Variants in SPAG16 observed in about 807,000 individuals in gnomAD.
The protein encoded by SPAG16 is sperm associated antigen 16.
A neutral mutation model predicts 80.4 loss-of-function variants in SPAG16; 86 were observed. The ratio of observed to expected loss-of-function variants is 1.07; its 90% CI spans 0.90 to 1.28. The LOEUF is 1.28. Among genes scored for constraint, SPAG16 ranks in the 50% most tolerant of loss-of-function variants. SPAG16 has a pLI of 0.00. For missense variants in SPAG16, 870 were observed against 765.3 expected, an observed-to-expected ratio of 1.14 and a Z score of -1.61; for synonymous variants, 294 against 265.9, an observed-to-expected ratio of 1.11 and a Z score of -1.03.
intron 12 of SPAG16, among the ~76,000 whole-genome samples, chr2:213,990,466 T>C (rs1430040957): frequency 6.6e-6 from 1 of 152,158 alleles, no homozygotes; most frequent in Non-Finnish European, 1.5e-5. Flanking sequence ...GAAGCTTTAC[T>C]GATAAGATAA....
At chr2:213,382,861 T>C (rs2067241788) in intron 9 of SPAG16, among the ~76,000 whole-genome samples, 1 of 152,170 alleles carries the variant, frequency 6.6e-6, no homozygotes, top group Admixed American at 6.5e-5. Context: ...TAGGGGAGTT[T>C]ATATGGCCCC....
intron 12 of SPAG16, among the ~76,000 whole-genome samples, chr2:213,943,881 G>A (rs1208931510): frequency 3.9e-5 from 6 of 152,050 alleles, no homozygotes; most frequent in East Asian, 1.9e-4. Context: ...TTATAGAGAC[G>A]GAAATACACC....
intron 13 of SPAG16, among the ~76,000 whole-genome samples, chr2:214,088,490 A>G (rs1282494454): frequency 6.6e-6 from 1 of 152,262 alleles, no homozygotes; most frequent in East Asian, 1.9e-4. Context: ...AGAAAAATGT[A>G]CAAGCTTACA....
intron 9 of SPAG16, among the ~76,000 whole-genome samples, chr2:213,439,111 A>C (rs2070795479): frequency 6.6e-6 from 1 of 152,224 alleles, no homozygotes; most frequent in Non-Finnish European, 1.5e-5. Context: ...GGAGATCATG[A>C]ATAGAGAATC....
intron 10 of SPAG16, among the ~76,000 whole-genome samples, chr2:213,832,397 A>G (rs1402377780): frequency 1.3e-5 from 2 of 152,106 alleles, no homozygotes; most frequent in African/African-American, 2.4e-5. Flanking sequence ...TTTGGAATCA[A>G]TGTCTTTCTG....
intron 13 of SPAG16, among the ~76,000 whole-genome samples, chr2:214,015,607 A>AAT (rs2047554826): frequency 6.6e-6 from 1 of 151,526 alleles, no homozygotes; most frequent in South Asian, 2.1e-4. Flanking sequence ...TCAGAAAAAA[A>AAT]AAAAAATCAA....
intron 12 of SPAG16, among the ~76,000 whole-genome samples, chr2:213,991,367 G>GT (rs2046272753): frequency 6.6e-6 from 1 of 152,148 alleles, no homozygotes; most frequent in Non-Finnish European, 1.5e-5. Context: ...ACTCCATGGT[G>GT]TATATGTGCC....
intron 10 of SPAG16, among the ~76,000 whole-genome samples, chr2:213,508,442 G>A (rs1013685076): frequency 6.6e-6 from 1 of 152,132 alleles, no homozygotes; most frequent in Non-Finnish European, 1.5e-5. Flanking sequence ...CGCGGTGGCG[G>A]GCGCCTGTAG....
In SPAG16 at chr2:213,748,484, T is replaced by G. The variant is rs1052889706; in HGVS notation, c.1071-114001T>G. On this transcript the variant is annotated intron_variant, in intron 10 of 15. Coordinates refer to ENST00000331683, the MANE Select transcript of SPAG16 (RefSeq NM_024532.5). The stretch of plus-strand genomic sequence containing the variant: ...AGTTGAAAAAAAATGAAGAAATAAT[T>G]AATAAGTTTTATTTCATTAGTTCTT... Among the ~76,000 whole-genome samples the G allele has an allele frequency of 2.6e-5, 4 of 152,174 alleles. No homozygotes were observed. In the South Asian group the frequency reaches 8.3e-4, roughly 32 times the overall value.
At chr2:213,669,670 T>C (rs927103911) in intron 10 of SPAG16, among the ~76,000 whole-genome samples, 2 of 152,224 alleles carry the variant, frequency 1.3e-5, no homozygotes, top group East Asian at 1.9e-4. Flanking sequence ...GGTTTTCACA[T>C]TGGGAGTAAA....
chr2:214,128,269 G>C (rs560460382), intron 14 of SPAG16, among the ~76,000 whole-genome samples: 3 of 151,742 alleles, frequency 2.0e-5, no homozygotes, highest in Non-Finnish European at 4.4e-5. Context: ...TGCCCAGTTG[G>C]GTGGCCACAT....
chr2:213,909,024 G>A (rs1034986173), intron 11 of SPAG16, among the ~76,000 whole-genome samples: 1 of 151,602 alleles, frequency 6.6e-6, no homozygotes, highest in African/African-American at 2.4e-5. Context: ...AACATGCGGT[G>A]TTTGTTTTTT....
At chr2:213,964,427 T>G (rs188948593) in intron 12 of SPAG16, among the ~76,000 whole-genome samples, 165 of 152,332 alleles carry the variant, frequency 1.1e-3, no homozygotes, top group African/African-American at 3.9e-3. Flanking sequence ...CAATAAATTC[T>G]CTTAATATTG....
chr2:213,299,808 T>C (rs1332409498), intron 3 of SPAG16, among the ~76,000 whole-genome samples: 2 of 152,184 alleles, frequency 1.3e-5, no homozygotes, highest in Non-Finnish European at 2.9e-5. Flanking sequence ...TGTAGTTTGA[T>C]TATACTATCA....
At chr2:213,627,727 G>A (rs557116524) in intron 10 of SPAG16, among the ~76,000 whole-genome samples, 1 of 152,320 alleles carries the variant, frequency 6.6e-6, no homozygotes, top group Non-Finnish European at 1.5e-5. Flanking sequence ...TGAACTGAAT[G>A]ATCAGCTTGA....
intron 10 of SPAG16, among the ~76,000 whole-genome samples, chr2:213,835,956 A>G (rs1438702928): frequency 6.6e-6 from 1 of 152,100 alleles, no homozygotes; most frequent in Non-Finnish European, 1.5e-5. Context: ...ACCTATACCC[A>G]TGTTTACTAA....
chr2:213,670,558 A>G (rs2063779175), intron 10 of SPAG16, among the ~76,000 whole-genome samples: 1 of 152,052 alleles, frequency 6.6e-6, no homozygotes, highest in Admixed American at 6.6e-5. Flanking sequence ...TGACTTTTCA[A>G]AATCAAACTT....
chr2:213,732,117 T>A (rs1356060869), intron 10 of SPAG16, among the ~76,000 whole-genome samples: 1 of 152,220 alleles, frequency 6.6e-6, no homozygotes, highest in Non-Finnish European at 1.5e-5. Context: ...GGATCCAGTA[T>A]CAATTTTCTG....
intron 5 of SPAG16, among the ~76,000 whole-genome samples, chr2:213,333,179 A>C (rs1454129397): frequency 6.6e-6 from 1 of 152,196 alleles, no homozygotes; most frequent in Admixed American, 6.5e-5. Context: ...TACAACATCA[A>C]CATACAAAAA....
Sources: gnomAD v4.1 joint callset for allele counts (sites outside exome capture counted in the v4.1 genomes callset) on GRCh38, gnomAD v4.1.1 for gene constraint, MANE v1.5 for transcripts, NCBI Gene and HGNC (gene_info 2026-07-23, HGNC 2026-07-21) for gene names.